Variants in GTPBP6 observed in about 807,000 individuals in gnomAD.
GTPBP6 encodes putative GTP-binding protein 6.
Under a neutral mutation model 28.9 loss-of-function variants are expected in GTPBP6, and 33 were observed. The ratio of observed to expected loss-of-function variants is 1.14; its 90% CI spans 0.87 to 1.53. The LOEUF (loss-of-function observed/expected upper bound fraction) is 1.53, where lower values mean the gene tolerates loss of function less well. GTPBP6 is among the 40% of genes most tolerant of loss of function. GTPBP6 has a pLI of 0.00. For synonymous variants in GTPBP6, 231 were observed against 192.7 expected, an observed-to-expected ratio of 1.20 and a Z score of -1.65; for missense variants, 507 against 408.3, an observed-to-expected ratio of 1.24 and a Z score of -2.08.
At chrX:305,717 T>C (rs1400749490) in intron 9 of GTPBP6, among the ~76,000 whole-genome samples, 3 of 145,216 alleles carry the variant, frequency 2.1e-5, no homozygotes, top group Non-Finnish European at 4.5e-5. Flanking sequence ...CTCGGCCTCC[T>C]GGGTTCCAGC....
chrX:316,709 C>G (rs1156528829), intron 2 of GTPBP6, among the ~76,000 whole-genome samples: 9 of 152,138 alleles, frequency 5.9e-5, no homozygotes, highest in African/African-American at 2.2e-4. Context: ...TCTCCAGGGC[C>G]CGGTGTGAAT....
At chrX:313,221 C>T (rs771744319) in intron 5 of GTPBP6, among the ~76,000 whole-genome samples, 2 of 152,254 alleles carry the variant, frequency 1.3e-5, no homozygotes, top group Non-Finnish European at 2.9e-5. Context: ...GGACACGGCC[C>T]AGGACGTCAT....
intron 7 of GTPBP6, among the ~76,000 whole-genome samples, chrX:309,000 C>T (rs2070230595): frequency 6.6e-6 from 1 of 152,138 alleles, no homozygotes; most frequent in African/African-American, 2.4e-5. Context: ...GCTGGGATTG[C>T]AGGCGTGAGC....
At chrX:313,723 C>G (rs1205934934) in intron 5 of GTPBP6, among the ~76,000 whole-genome samples, 7 of 151,406 alleles carry the variant, frequency 4.6e-5, no homozygotes, top group South Asian at 2.1e-4. Context: ...GAGGCAGAGA[C>G]TGGAGTGACG....
chrX:307,261 G>C, intron 9 of GTPBP6, 99 bp downstream of exon 9: 1 of 1,082,692 alleles, frequency 9.2e-7, no homozygotes, highest in Non-Finnish European at 1.3e-6. Context: ...AGCTCTCGGG[G>C]ATCTCACAGC....
chrX:318,734 G>A, exon 1 of GTPBP6: 4 of 339,750 alleles, frequency 1.2e-5, no homozygotes, highest in East Asian at 4.4e-5. Flanking sequence ...AGCGGCCGCG[G>A]CCCACGCGGG....
chrX:311,246 TGCCCA>T (rs2070283883), intron 7 of GTPBP6, among the ~76,000 whole-genome samples, 168 bp downstream of exon 7: 1 of 76,230 alleles, frequency 1.3e-5, no homozygotes, highest in African/African-American at 4.6e-5. Flanking sequence ...CTGGTCCCCG[TGCCCA>T]GTGGGTGTCC....
chrX:315,549 CGCAG>C (rs2070414848), intron 2 of GTPBP6, among the ~76,000 whole-genome samples: 19 of 145,652 alleles, frequency 1.3e-4, no homozygotes, highest in African/African-American at 3.6e-4. Context: ...CACATACACA[CGCAG>C]ACACACACAC....
chrX:311,277 G>A, intron 7 of GTPBP6, 142 bp downstream of exon 7: 1 of 419,004 alleles, frequency 2.4e-6, no homozygotes, highest in South Asian at 2.9e-5. Flanking sequence ...CCTGGCCCCT[G>A]GGCTGAGTGG....
chrX:315,525 G>A (rs1476458514), intron 2 of GTPBP6, among the ~76,000 whole-genome samples: 39 of 104,396 alleles, frequency 3.7e-4, no homozygotes, highest in African/African-American at 8.8e-4. Context: ...AACACATCCC[G>A]GCAGGGACAC....
intron 7 of GTPBP6, among the ~76,000 whole-genome samples, chrX:308,655 G>C (rs2070222381): frequency 6.6e-6 from 1 of 151,966 alleles, no homozygotes; most frequent in South Asian, 2.1e-4. Context: ...GGTTCAGTCT[G>C]GGTGACAGAG....
At chrX:312,009 T>C (rs1364702254) in intron 6 of GTPBP6, 2 of 506,202 alleles carry the variant, frequency 4.0e-6, no homozygotes, top group African/African-American at 1.9e-5. Flanking sequence ...GAGGTGATGG[T>C]GTAGATGGGT....
At chrX:312,610 C>T in intron 6 of GTPBP6, 156 bp downstream of exon 6, 2 of 786,868 alleles carry the variant, frequency 2.5e-6, no homozygotes, top group South Asian at 1.5e-5. Flanking sequence ...GTGTACCCCA[C>T]ACGGCGACCA....
At chrX:317,092 CG>C in intron 1 of GTPBP6, 41 bp from the exon 2 acceptor site, 1 of 338,474 alleles carries the variant, frequency 3.0e-6, no homozygotes, top group Non-Finnish European at 4.8e-6. Flanking sequence ...CGCTTCTGCC[CG>C]GGGCCCCCGT....
intron 7 of GTPBP6, among the ~76,000 whole-genome samples, chrX:310,772 C>T (rs374015080): frequency 6.6e-6 from 1 of 151,754 alleles, no homozygotes; most frequent in Non-Finnish European, 1.5e-5. Flanking sequence ...CTTTCTGGAA[C>T]TGTGGTAGAG....
In GTPBP6 at chrX:312,680, G is replaced by A. The variant is rs751661239; in HGVS notation, c.916+86C>T. ...AGCTGTCGTACGGCACCACTGAGAC[G>A]ACAGGGACCCCCTGCCCTCCCCCGG... On this transcript the variant is annotated intron_variant, in intron 6 of 9. Coordinates refer to ENST00000326153, the Ensembl canonical transcript of GTPBP6. The A allele has an allele frequency of 1.2e-5, 17 of 1,372,658 alleles. No homozygotes were observed. In the African/African-American group the frequency reaches 1.6e-4, roughly 13 times the overall value. 85.0% of individuals were successfully genotyped at this position (1,372,658 alleles called of 1,614,324 possible).
chrX:313,707 G>T (rs1050139751), intron 5 of GTPBP6, among the ~76,000 whole-genome samples: 1 of 150,546 alleles, frequency 6.6e-6, no homozygotes, highest in Non-Finnish European at 1.5e-5. Context: ...AGGCCACGTG[G>T]AGACGGAGGC....
Position 315,302 on chromosome X carries a change from A to C in GTPBP6, c.488-3T>G, listed in dbSNP as rs2070409371. 2.5e-6 allele frequency: 1 copy of C among 398,302 alleles called. No homozygotes were observed. 24.7% of individuals were successfully genotyped at this position (398,302 alleles called of 1,614,324 possible). On this transcript the variant is annotated splice_region_variant and splice_polypyrimidine_tract_variant and intron_variant, in intron 2 of 9. Coordinates refer to ENST00000326153, the Ensembl canonical transcript of GTPBP6. ...GTCTGGAGACCCTCGGATCTTTTCT[A>C]ACAGAAAGAGGGGGTCCCGTCAGAG...
chrX:318,693 G>T (rs2070485429), exon 1 of GTPBP6: 4 of 384,404 alleles, frequency 1.0e-5, no homozygotes, highest in Admixed American at 4.5e-5. Context: ...CGCGCGCGCG[G>T]GGCAGGACGG....
Sources: allele counts gnomAD v4.1 joint callset (sites outside exome capture counted in the v4.1 genomes callset), GRCh38; gene constraint gnomAD v4.1.1; transcripts MANE v1.5; gene names NCBI Gene and HGNC (gene_info 2026-07-23, HGNC 2026-07-21).